Variants in PRUNE2 observed in about 807,000 individuals in gnomAD.
PRUNE2 encodes the protein prune homolog 2 with BCH domain.
In PRUNE2, 164 loss-of-function variants were observed where a neutral mutation model predicts 252.0. That is an observed-to-expected ratio of 0.65 (90% CI 0.57 to 0.74). The LOEUF is 0.74. Ranked by LOEUF, PRUNE2 falls within the 30% of genes least tolerant of loss-of-function variation. The probability of loss-of-function intolerance (pLI) is 0.00; values close to 1 mark genes in which losing one functional copy is unlikely to be tolerated. For missense variants in PRUNE2, 3,495 were observed against 3,711.0 expected (o/e 0.94, Z 1.51); for synonymous variants, 1,292 against 1,350.2 (o/e 0.96, Z 0.94).
chr9:76,905,149 TG>T (rs759396125), intron 1 of PRUNE2, among the ~76,000 whole-genome samples: 14 of 152,208 alleles, frequency 9.2e-5, no homozygotes, highest in Non-Finnish European at 1.6e-4. Flanking sequence ...ACTGCTGTGC[TG>T]GAGAGCCAAA....
At chr9:76,650,711 G>A (rs1236170275) in intron 11 of PRUNE2, among the ~76,000 whole-genome samples, 1 of 152,204 alleles carries the variant, frequency 6.6e-6, no homozygotes, top group African/African-American at 2.4e-5. Context: ...AAACAGGGTT[G>A]TGGCCATTAA....
At chr9:76,887,286 C>T (rs2062159598) in intron 1 of PRUNE2, among the ~76,000 whole-genome samples, 2 of 152,102 alleles carry the variant, frequency 1.3e-5, no homozygotes, top group African/African-American at 4.8e-5. Flanking sequence ...TAAATAGCTA[C>T]TGGAGATTTT....
intron 1 of PRUNE2, among the ~76,000 whole-genome samples, chr9:76,864,246 G>C (rs1171637690): frequency 6.6e-6 from 1 of 152,152 alleles, no homozygotes; most frequent in East Asian, 1.9e-4. Context: ...GCTAAACATT[G>C]ACTCTACATG....
intron 6 of PRUNE2, among the ~76,000 whole-genome samples, chr9:76,723,768 G>C (rs546254409): frequency 8.6e-5 from 13 of 151,584 alleles, no homozygotes; most frequent in Middle Eastern, 3.4e-3. Context: ...CTGCTTTCTT[G>C]TCATGGAGCA....
At chr9:76,870,502 G>A (rs566650557) in intron 1 of PRUNE2, among the ~76,000 whole-genome samples, 78 of 151,952 alleles carry the variant, frequency 5.1e-4, no homozygotes, top group African/African-American at 1.7e-3. Flanking sequence ...TGGCTAACAC[G>A]GTGAAACCCC....
At chr9:76,752,398 C>T (rs2050715415) in intron 6 of PRUNE2, among the ~76,000 whole-genome samples, 1 of 152,094 alleles carries the variant, frequency 6.6e-6, no homozygotes, top group Admixed American at 6.5e-5. Context: ...CGCCCGGCAA[C>T]TCACTCAATT....
intron 4 of PRUNE2, among the ~76,000 whole-genome samples, chr9:76,835,618 C>T (rs2058917552): frequency 6.6e-6 from 1 of 152,170 alleles, no homozygotes; most frequent in African/African-American, 2.4e-5. Flanking sequence ...CTTCTTCCCC[C>T]TACCCCTAGT....
At chr9:76,809,114 T>C (rs1284988132) in intron 6 of PRUNE2, among the ~76,000 whole-genome samples, 1 of 152,164 alleles carries the variant, frequency 6.6e-6, no homozygotes, top group African/African-American at 2.4e-5. Context: ...GCATGTCCTT[T>C]ACATTTAGTT....
intron 6 of PRUNE2, among the ~76,000 whole-genome samples, chr9:76,755,560 C>T (rs548685960): frequency 6.6e-6 from 1 of 152,106 alleles, no homozygotes; most frequent in Non-Finnish European, 1.5e-5. Flanking sequence ...AATCTAGAAG[C>T]CTGCCTTGAG....
chr9:76,708,076 C>T lies in PRUNE2; in HGVS notation c.4198G>A (p.Val1400Ile), dbSNP rs1400392342. The T allele has an allele frequency of 1.9e-6, 3 of 1,613,904 alleles. No homozygotes were observed. The highest frequency in any genetic ancestry group is 2.2e-5 in the East Asian group (1 of 44,886). The change falls in exon 8 of 19, where the codon GTT (valine) becomes ATT (isoleucine). Residue 1400 changes from valine to isoleucine, a missense_variant. Val to Ile is a conservative substitution (Grantham distance 29). Transcript: ENST00000376718. ...FSPQTEEPEE[V>I]LEYEEGSYNL... ...TAAGACCCCTCCTCATACTCTAAAA[C>T]TTCCTCTGGTTCCTCGGTTTGAGGA...
At chr9:76,736,469 C>T (rs1278550956) in intron 6 of PRUNE2, 1 of 152,182 alleles carries the variant, frequency 6.6e-6, no homozygotes, top group African/African-American at 2.4e-5. Flanking sequence ...AACTGAGTAG[C>T]TTATAAACAA....
At chr9:76,846,988 T>C (rs2059701548) in intron 3 of PRUNE2, among the ~76,000 whole-genome samples, 1 of 152,204 alleles carries the variant, frequency 6.6e-6, no homozygotes, top group South Asian at 2.1e-4. Context: ...TTATAAATAC[T>C]TTAGGTGTAT....
intron 6 of PRUNE2, among the ~76,000 whole-genome samples, chr9:76,768,509 C>A (rs1287919047): frequency 6.6e-6 from 1 of 151,680 alleles, no homozygotes; most frequent in Non-Finnish European, 1.5e-5. Context: ...CAACAACTAT[C>A]AAGTCTGTCT....
In PRUNE2 at chr9:76,846,797, G is replaced by C. The variant is rs1589552680; in HGVS notation, c.345-119C>G. 4 of 727,738 alleles carry C rather than the reference G, an allele frequency of 5.5e-6. No individual in the cohort carries two copies. The East Asian group carries it at 1.0e-4, about 19-fold the overall frequency. 45.1% of individuals were successfully genotyped at this position (727,738 alleles called of 1,614,324 possible). ...TCCTCTCAATGACCAAAAATATGAG[G>C]GAACTCACATGACTCAGAAGACGGG... On this transcript the variant is annotated intron_variant, in intron 3 of 18. Transcript: ENST00000376718.
At chr9:76,850,696 A>G in intron 2 of PRUNE2, 31 bp from the exon 3 acceptor site, 4 of 1,476,412 alleles carry the variant, frequency 2.7e-6, no homozygotes, top group Non-Finnish European at 3.8e-6. Context: ...TGAATTACTG[A>G]AAATAGCAGG....
intron 9 of PRUNE2, among the ~76,000 whole-genome samples, chr9:76,676,012 G>A (rs540389111): frequency 8.3e-4 from 124 of 149,248 alleles, no homozygotes; most frequent in South Asian, 3.6e-3. Flanking sequence ...ACATCTATAC[G>A]TATGTAACTA....
chr9:76,871,310 A>G (rs535971966), intron 1 of PRUNE2, among the ~76,000 whole-genome samples: 12 of 152,354 alleles, frequency 7.9e-5, no homozygotes, highest in Admixed American at 2.0e-4. Flanking sequence ...TTTACATTGT[A>G]TTAGGCATTA....
Position 76,703,714 on chromosome 9 carries a change from C to A in PRUNE2, c.7899G>T (p.Trp2633Cys). 1 of 1,613,590 alleles carries A rather than the reference C, an allele frequency of 6.2e-7. No individual in the cohort carries two copies. Among genetic ancestry groups the A allele is most frequent in the Non-Finnish European group, 8.5e-7 (1 of 1,179,882 alleles). ...SFESPAQDQS[W>C]MFLGHSEVGD... ...CAACCTCACTATGGCCCAAGAACAT[C>A]CAACTCTGGTCTTGTGCAGGGCTTT... Residue 2633 changes from tryptophan (W) to cysteine (C), a missense_variant, in exon 9 of 19, where the codon TGG becomes TGT. Coordinates refer to ENST00000376718, the MANE Select transcript of PRUNE2 (RefSeq NM_015225.3).
At chr9:76,873,291 T>C (rs941233411) in intron 1 of PRUNE2, among the ~76,000 whole-genome samples, 2 of 152,170 alleles carry the variant, frequency 1.3e-5, no homozygotes, top group Non-Finnish European at 2.9e-5. Flanking sequence ...AATTACGCAA[T>C]TTTTTCCACT....
Sources: gnomAD v4.1 joint callset for allele counts (sites outside exome capture counted in the v4.1 genomes callset) on GRCh38, gnomAD v4.1.1 for gene constraint, MANE v1.5 for transcripts, NCBI Gene and HGNC (gene_info 2026-07-23, HGNC 2026-07-21) for gene names.